SLC23A2: variants seen among roughly 807,000 people sequenced by gnomAD.
The protein encoded by SLC23A2 is solute carrier family 23 member 2, also known as Na(+)/L-ascorbic acid transporter 2.
In SLC23A2, 36 loss-of-function variants were observed where a neutral mutation model predicts 73.3. That is an observed-to-expected ratio of 0.49 (90% CI 0.38 to 0.65). SLC23A2 has a LOEUF of 0.65. Among genes scored for constraint, SLC23A2 ranks in the 30% least tolerant of loss-of-function variants. SLC23A2 has a pLI of 0.00. For synonymous variants in SLC23A2, 343 were observed against 327.3 expected (o/e 1.05, Z -0.52); for missense variants, 507 against 841.6 (o/e 0.60, Z 4.92).
intron 2 of SLC23A2, among the ~76,000 whole-genome samples, chr20:4,960,423 C>T (rs960075434): frequency 6.6e-6 from 1 of 152,146 alleles, no homozygotes; most frequent in Non-Finnish European, 1.5e-5. Context: ...CCCAGAGAAA[C>T]CCACCCAGAT....
In SLC23A2 at chr20:4,912,934, A is replaced by T; in HGVS notation, c.153T>A (p.Asn51Lys). The stretch of plus-strand genomic sequence containing the variant: ...AGATCGCCATGAGCTCAGTGTCCTC[A>T]TTGTCCTGCTCACCGCTGGAGGTGG... ...GGATSSGEQDNEDTELMAIYT... is the reference protein window; with the variant it reads ...GGATSSGEQDKEDTELMAIYT... The change falls in exon 4 of 17, where the codon AAT becomes AAA. Residue 51 changes from asparagine to lysine, a missense_variant. Transcript: ENST00000338244. The T allele has an allele frequency of 6.2e-7, 1 of 1,612,892 alleles. No homozygotes were observed. The highest frequency in any genetic ancestry group is 8.5e-7 in the Non-Finnish European group (1 of 1,179,546).
intron 2 of SLC23A2, among the ~76,000 whole-genome samples, chr20:4,964,983 T>C (rs1600180867): frequency 6.6e-6 from 1 of 152,210 alleles, no homozygotes; most frequent in South Asian, 2.1e-4. Flanking sequence ...TGTGGTTTTT[T>C]TTCCCCTTAT....
At chr20:4,969,006 C>G (rs1490434853) in intron 2 of SLC23A2, among the ~76,000 whole-genome samples, 1 of 152,098 alleles carries the variant, frequency 6.6e-6, no homozygotes, top group African/African-American at 2.4e-5. Context: ...CAGGTGTGAG[C>G]CACTGTGCCC....
chr20:5,004,535 A>G (rs114824358), upstream of SLC23A2, among the ~76,000 whole-genome samples: 2,370 of 152,288 alleles, frequency 0.016, 57 homozygotes, highest in African/African-American at 0.053. Context: ...AAAATCCTTC[A>G]GGGCCTCCCA....
intron 1 of SLC23A2, among the ~76,000 whole-genome samples, chr20:4,996,404 T>G (rs1243174913): frequency 6.6e-6 from 1 of 151,838 alleles, no homozygotes; most frequent in Non-Finnish European, 1.5e-5. Flanking sequence ...AACTCATGAG[T>G]GGGCCAGGCA....
chr20:4,898,237 T>C (rs1169648555), intron 6 of SLC23A2, among the ~76,000 whole-genome samples: 2 of 152,188 alleles, frequency 1.3e-5, no homozygotes, highest in Non-Finnish European at 2.9e-5. Context: ...AGGGCTGGGA[T>C]CTGGGAACCA....
chr20:4,898,245 C>T (rs1450119802), intron 6 of SLC23A2, among the ~76,000 whole-genome samples: 1 of 152,218 alleles, frequency 6.6e-6, no homozygotes, highest in African/African-American at 2.4e-5. Flanking sequence ...GATCTGGGAA[C>T]CATCAGAGCT....
intron 1 of SLC23A2, among the ~76,000 whole-genome samples, chr20:4,972,681 G>A (rs960273674): frequency 1.2e-4 from 18 of 152,052 alleles, no homozygotes; most frequent in Non-Finnish European, 2.1e-4. Context: ...CCACTCCCGG[G>A]TTCAAGCGAT....
intron 1 of SLC23A2, among the ~76,000 whole-genome samples, chr20:5,006,613 T>C (rs2088194650): frequency 1.3e-5 from 2 of 151,744 alleles, no homozygotes; most frequent in African/African-American, 4.9e-5. Flanking sequence ...TTGGCCAGGC[T>C]GGAGTGCAGT....
rs756287628 is a variant in SLC23A2, at chr20:4,862,835, C to A, written c.1429G>T (p.Ala477Ser). 1.2e-6 allele frequency: 2 copies of A among 1,613,986 alleles called. No homozygotes were observed. The highest frequency in any genetic ancestry group is 1.7e-6 in the Non-Finnish European group (2 of 1,179,992). Residue 477 changes from alanine (A) to serine (S), a missense_variant, in exon 14 of 17, where the codon GCC (alanine) becomes TCC (serine). Transcript: ENST00000338244. The surrounding 1 kb of genome is among the most constrained non-coding windows in gnomAD (Gnocchi z 5.1). ...GGATCCGGAAGGGACGCAAAGAGGG[C>A]GCTGAACTTCCCGATCATGCCCAGA... ...LALGMIGKFS[A>S]LFASLPDPVL...
chr20:4,900,194 T>C (rs1286807539), intron 5 of SLC23A2, among the ~76,000 whole-genome samples: 1 of 152,220 alleles, frequency 6.6e-6, no homozygotes, highest in African/African-American at 2.4e-5. Context: ...TTCATTACAT[T>C]TTATTGTCTT....
At chr20:4,870,128 T>G (rs993192359) in intron 11 of SLC23A2, 75 bp from the exon 12 acceptor site, 35 of 1,235,640 alleles carry the variant, frequency 2.8e-5, no homozygotes, top group Non-Finnish European at 3.8e-5. Flanking sequence ...CCCAAAGTCA[T>G]TCTGAACGCT....
intron 11 of SLC23A2, among the ~76,000 whole-genome samples, chr20:4,871,258 G>A (rs1019594725): frequency 6.6e-6 from 1 of 152,132 alleles, no homozygotes. Flanking sequence ...AAGATCCAGG[G>A]AGAGGGAAAT....
chr20:4,993,518 T>A (rs2087966642), intron 1 of SLC23A2, among the ~76,000 whole-genome samples: 1 of 148,260 alleles, frequency 6.7e-6, no homozygotes, highest in African/African-American at 2.5e-5. Flanking sequence ...CAGGTCAAGA[T>A]CAAAAACAAT....
chr20:4,954,603 CAGG>C (rs1232833250), intron 2 of SLC23A2, among the ~76,000 whole-genome samples: 3 of 148,106 alleles, frequency 2.0e-5, no homozygotes, highest in South Asian at 2.1e-4. Context: ...TAAGCTGAGG[CAGG>C]AGAATTGCTT....
intron 13 of SLC23A2, among the ~76,000 whole-genome samples, chr20:4,865,846 T>G (rs1270231737): frequency 2.6e-5 from 4 of 152,124 alleles, no homozygotes; most frequent in Middle Eastern, 3.2e-3. Flanking sequence ...TTATTTTTTA[T>G]TTTGGAGTCA....
chr20:4,894,795 C>T (rs983416963), intron 6 of SLC23A2, among the ~76,000 whole-genome samples: 3 of 152,262 alleles, frequency 2.0e-5, no homozygotes, highest in African/African-American at 7.2e-5. Flanking sequence ...TCTGCAAAGA[C>T]ACACATCTGT....
chr20:4,884,657 G>T, intron 8 of SLC23A2, 96 bp downstream of exon 8: 1 of 791,128 alleles, frequency 1.3e-6, no homozygotes, highest in South Asian at 1.4e-5. Context: ...AGAAAAGAAG[G>T]GCTCAGTAAA....
intron 9 of SLC23A2, among the ~76,000 whole-genome samples, chr20:4,879,670 G>A (rs771277293): frequency 5.3e-5 from 8 of 151,932 alleles, no homozygotes; most frequent in African/African-American, 1.5e-4. Context: ...GTGATGGAGC[G>A]GGATCCTGTC....
Sources: gnomAD v4.1 joint callset for allele counts (sites outside exome capture counted in the v4.1 genomes callset) on GRCh38, gnomAD v4.1.1 for gene constraint, Gnocchi (gnomAD v3.1) non-coding constraint, MANE v1.5 for transcripts, NCBI Gene and HGNC (gene_info 2026-07-23, HGNC 2026-07-21) for gene names.